HMCN1: variants seen among roughly 807,000 people sequenced by gnomAD.
HMCN1 encodes hemicentin-1.
In HMCN1, 321 loss-of-function variants were observed where a neutral mutation model predicts 625.9. That is an observed-to-expected ratio of 0.51 (90% CI 0.47 to 0.56). The LOEUF (loss-of-function observed/expected upper bound fraction) is 0.56. Ranked by LOEUF, HMCN1 falls within the 20% of genes least tolerant of loss-of-function variation. The pLI is 0.00. For missense variants in HMCN1, 6,588 were observed against 6,887.3 expected, an observed-to-expected ratio of 0.96 and a Z score of 1.54; for synonymous variants, 2,425 against 2,417.6, an observed-to-expected ratio of 1.00 and a Z score of -0.09.
intron 1 of HMCN1, among the ~76,000 whole-genome samples, chr1:185,843,736 G>T (rs1661635923): frequency 6.6e-6 from 1 of 152,160 alleles, no homozygotes; most frequent in South Asian, 2.1e-4. Flanking sequence ...CCTCTCCTGA[G>T]TATTTCTCAT....
In HMCN1 at chr1:186,144,265, C is replaced by T; in HGVS notation, c.14017C>T (p.Pro4673Ser). Residue 4673 changes from proline to serine, a missense_variant, in exon 90 of 107, where the codon CCA becomes TCA. By Grantham distance (74) the Pro-to-Ser change is moderately conservative. Coordinates refer to ENST00000271588, the MANE Select transcript of HMCN1 (RefSeq NM_031935.3). Reference protein sequence around the residue: ...TQTRARLCNNPPPAFGGSYCD... With the variant: ...TQTRARLCNNSPPAFGGSYCD... ...GACAAGAGCAAGACTTTGTAATAACCCACCACCAGCGTTTGGTGGGTCCTA... is the reference window on the plus strand; with the variant it reads ...GACAAGAGCAAGACTTTGTAATAACTCACCACCAGCGTTTGGTGGGTCCTA... The T allele has an allele frequency of 1.2e-6, 2 of 1,613,982 alleles. No individual in the cohort carries two copies. The highest frequency in any genetic ancestry group is 1.7e-6 in the Non-Finnish European group (2 of 1,179,946).
intron 97 of HMCN1, among the ~76,000 whole-genome samples, chr1:186,159,445 T>C (rs1205965306): frequency 2.6e-5 from 4 of 152,072 alleles, no homozygotes; most frequent in African/African-American, 9.7e-5. Context: ...GGCCAGAACT[T>C]CCAACACTAT....
intron 68 of HMCN1, among the ~76,000 whole-genome samples, chr1:186,102,943 A>G (rs1164214110): frequency 6.6e-6 from 1 of 152,178 alleles, no homozygotes; most frequent in Non-Finnish European, 1.5e-5. Flanking sequence ...ACTCCCATCC[A>G]GACATAACAA....
In HMCN1 at chr1:186,136,801, G is replaced by A; in HGVS notation, c.13446G>A (p.Trp4482Ter). 6.2e-7 allele frequency: 1 copy of A among 1,613,924 alleles called. No individual in the cohort carries two copies. The part of the protein sequence containing the change: ...TWSRQGHSIS[W>*]DDRVNVLSNN... Reference sequence around the variant, plus strand: ...CCCGTCAAGGGCACTCTATTTCCTGGGATGACCGGGTTAACGTGTTGTCCA... The same window carrying A: ...CCCGTCAAGGGCACTCTATTTCCTGAGATGACCGGGTTAACGTGTTGTCCA... Residue 4482 changes from tryptophan to a stop codon, truncating the protein, a stop_gained, in exon 87 of 107, where the codon TGG becomes TGA. Transcript: ENST00000271588. LOFTEE classifies it high-confidence loss of function.
chr1:186,172,123 C>A lies in HMCN1; in HGVS notation c.15806C>A (p.Thr5269Asn). ...PNGMTKAENG[T>N]CIDIDECKDG... ...GGAATGACCAAGGCAGAAAATGGAA[C>A]CTGTATTGGTGAGTGTCTGGCTGTT... is the stretch of plus-strand genomic sequence containing the variant. Residue 5269 changes from threonine (T) to asparagine (N), a missense_variant, in exon 102 of 107, where the codon ACC (threonine) becomes AAC (asparagine). Thr to Asn is a moderately conservative substitution (Grantham distance 65). Transcript: ENST00000271588. The A allele has an allele frequency of 1.2e-6, 2 of 1,613,662 alleles. No individual in the cohort carries two copies. Among genetic ancestry groups the A allele is most frequent in the Non-Finnish European group, 1.7e-6 (2 of 1,179,664 alleles).
chr1:186,046,384 G>A (rs1441194352), intron 41 of HMCN1, among the ~76,000 whole-genome samples: 1 of 152,020 alleles, frequency 6.6e-6, no homozygotes, highest in African/African-American at 2.4e-5. Context: ...AAAGAGAACT[G>A]CCTGAACCCG....
rs116051552 is a variant in HMCN1, at chr1:185,742,046, C to T, written c.268+6999C>T. On this transcript the variant is annotated intron_variant, in intron 1 of 106. Coordinates refer to ENST00000271588, the MANE Select transcript of HMCN1 (RefSeq NM_031935.3). ...CTAAAATTGAGCTTAGTTTGATAAA[C>T]GATTCAACAAGTATTTTATGAATAC... Among the ~76,000 whole-genome samples, 1,274 of 152,232 alleles carry T rather than the reference C, an allele frequency of 8.4e-3. 12 individuals carry two copies. Among genetic ancestry groups the T allele is most frequent in the Middle Eastern group, 0.027 (8 of 294 alleles).
At chr1:185,770,063 C>A (rs1033608787) in intron 1 of HMCN1, among the ~76,000 whole-genome samples, 3 of 152,134 alleles carry the variant, frequency 2.0e-5, no homozygotes, top group Admixed American at 6.5e-5. Flanking sequence ...TGCATATAGA[C>A]AGTTCCAGCT....
intron 11 of HMCN1, among the ~76,000 whole-genome samples, chr1:185,936,832 G>C (rs1286517318): frequency 1.3e-5 from 2 of 152,154 alleles, no homozygotes; most frequent in Non-Finnish European, 2.9e-5. Flanking sequence ...ACTGGGCAAG[G>C]AGCCATGTAC....
At chr1:186,046,031 T>C (rs533888466) in intron 41 of HMCN1, among the ~76,000 whole-genome samples, 168 bp downstream of exon 41, 1 of 152,238 alleles carries the variant, frequency 6.6e-6, no homozygotes, top group Non-Finnish European at 1.5e-5. Flanking sequence ...AATTTTTTTG[T>C]TTAGTGAGAT....
In HMCN1 at chr1:185,922,468, CT is replaced by C. The variant is rs1667049474; in HGVS notation, c.992del (p.Phe331SerfsTer29). On this transcript the variant is annotated frameshift_variant, in exon 7 of 107. Transcript: ENST00000271588. LOFTEE classifies it high-confidence loss of function. ...GCTTTTCTCGAAAGCCCACCCTGGA[CT>C]TCAAAAAAACAGTCAGCAGACCAGT... ...AGFSRKPTLDFKKTVSRPVQG... is the reference protein window; with the variant it reads ...AGFSRKPTLDXKKTVSRPVQG... The C allele has an allele frequency of 1.2e-6, 2 of 1,613,428 alleles. No individual in the cohort carries two copies. The highest frequency in any genetic ancestry group is 1.7e-6 in the Non-Finnish European group (2 of 1,179,708).
chr1:185,990,184 A>C, intron 21 of HMCN1, 91 bp from the exon 22 acceptor site: 1 of 1,090,224 alleles, frequency 9.2e-7, no homozygotes. Context: ...TAAATTACTT[A>C]AGAACATTAG....
At chr1:186,118,809 G>A (rs1014262654) in intron 77 of HMCN1, among the ~76,000 whole-genome samples, 1 of 152,194 alleles carries the variant, frequency 6.6e-6, no homozygotes, top group Non-Finnish European at 1.5e-5. Flanking sequence ...AGGCAAATCT[G>A]TAGAATCAGA....
chr1:185,928,660 C>T lies in HMCN1; in HGVS notation c.1545C>T (p.Asp515=), dbSNP rs750371257. The T allele has an allele frequency of 2.5e-5, 41 of 1,612,996 alleles. No individual in the cohort carries two copies. Among genetic ancestry groups the T allele is most frequent in the African/African-American group, 2.4e-4 (18 of 74,870 alleles). Residue 515 remains aspartate, a synonymous_variant, in exon 10 of 107, where the codon GAC becomes GAT. Coordinates refer to ENST00000271588, the MANE Select transcript of HMCN1 (RefSeq NM_031935.3). ...AGTGRAQTFF[D]VSEPPPVIQV... ...CTGGACGGGCACAGACATTTTTTGACGTATCAGGTAATTACCACTAATTTC... is the reference window on the plus strand; with the variant it reads ...CTGGACGGGCACAGACATTTTTTGATGTATCAGGTAATTACCACTAATTTC...
intron 1 of HMCN1, among the ~76,000 whole-genome samples, chr1:185,762,943 C>T (rs576855280): frequency 1.3e-5 from 2 of 152,182 alleles, no homozygotes; most frequent in East Asian, 3.9e-4. Context: ...AAGTTTTTCC[C>T]TTGGCTAACT....
chr1:185,849,690 A>T (rs1662047543), intron 2 of HMCN1, among the ~76,000 whole-genome samples: 1 of 152,196 alleles, frequency 6.6e-6, no homozygotes, highest in Non-Finnish European at 1.5e-5. Context: ...ATGTGTATTC[A>T]AGGGTGATTC....
chr1:186,054,136 A>G, intron 44 of HMCN1, 150 bp downstream of exon 44: 1 of 834,276 alleles, frequency 1.2e-6, no homozygotes, highest in Non-Finnish European at 1.9e-6. Flanking sequence ...TGCTGACATA[A>G]CTGGAGAGCA....
chr1:186,165,214 A>T (rs1651803928), intron 98 of HMCN1, 41 bp downstream of exon 98: 1 of 1,537,328 alleles, frequency 6.5e-7, no homozygotes, highest in East Asian at 2.2e-5. Context: ...TTTAATGAAA[A>T]TGTCAATATT....
chr1:185,991,490 A>G (rs1206623631), intron 22 of HMCN1, among the ~76,000 whole-genome samples: 1 of 152,094 alleles, frequency 6.6e-6, no homozygotes, highest in African/African-American at 2.4e-5. Flanking sequence ...AATGTAGATT[A>G]CTGTTTTCTG....
Sources: gnomAD v4.1 joint callset for allele counts (sites outside exome capture counted in the v4.1 genomes callset) on GRCh38, gnomAD v4.1.1 for gene constraint, MANE v1.5 for transcripts, NCBI Gene and HGNC (gene_info 2026-07-23, HGNC 2026-07-21) for gene names.